The following SBF1 variants were observed in gnomAD, a reference collection of about 807,000 sequenced individuals.
SBF1 encodes the protein SET binding factor 1.
A neutral mutation model predicts 215.8 loss-of-function variants in SBF1; 65 were observed. The ratio of observed to expected loss-of-function variants is 0.30; its 90% CI spans 0.25 to 0.37. The LOEUF (loss-of-function observed/expected upper bound fraction) is 0.37, where lower values mean the gene tolerates loss of function less well. Among genes scored for constraint, SBF1 ranks in the 10% least tolerant of loss-of-function variants. The probability of loss-of-function intolerance (pLI) is 1.00; values close to 1 mark genes in which losing one functional copy is unlikely to be tolerated. For synonymous variants in SBF1, 1,410 were observed against 1,122.8 expected (o/e 1.26, Z -5.11); for missense variants, 2,634 against 2,667.8 (o/e 0.99, Z 0.28).
chr22:50,454,403 G>A, intron 36 of SBF1, 109 bp downstream of exon 36: 5 of 978,854 alleles, frequency 5.1e-6, no homozygotes, highest in Non-Finnish European at 7.8e-6. Context: ...ACCCCCAGGG[G>A]TAACCGGACT....
At chr22:50,463,000 C>T in intron 16 of SBF1, 62 bp from the exon 17 acceptor site, 2 of 1,480,716 alleles carry the variant, frequency 1.4e-6, no homozygotes, top group Non-Finnish European at 1.9e-6. Context: ...CACCTCCCAC[C>T]ATGCCCCCAC....
chr22:50,471,036 G>C (rs2067977402), intron 1 of SBF1, among the ~76,000 whole-genome samples: 3 of 152,184 alleles, frequency 2.0e-5, no homozygotes, highest in Admixed American at 2.0e-4. Flanking sequence ...TATTGCCATA[G>C]GAGTGACCTC....
At position 50,467,389 on chromosome 22, in the gene SBF1, G is replaced by A. The variant is rs373725377; in HGVS notation, c.498C>T (p.Asn166=). 238 of 1,614,134 alleles carry A rather than the reference G, an allele frequency of 1.5e-4. No homozygotes were observed. Among genetic ancestry groups the A allele is most frequent in the African/African-American group, 9.1e-4 (68 of 75,050 alleles). Residue 166 remains asparagine (N), a synonymous_variant, in exon 5 of 41, where the codon AAC becomes AAT. Coordinates refer to ENST00000380817, the MANE Select transcript of SBF1 (RefSeq NM_002972.4). ...TGCACGTCAGCAGGTTCCCAATCACGTTCTCCAGGCACACATTCAGGCCCT... is the reference window on the plus strand; with the variant it reads ...TGCACGTCAGCAGGTTCCCAATCACATTCTCCAGGCACACATTCAGGCCCT... ...HVEGLNVCLE[N]VIGNLLTCTV...
intron 1 of SBF1, among the ~76,000 whole-genome samples, chr22:50,472,485 TAG>T (rs963235804): frequency 2.0e-5 from 3 of 152,182 alleles, no homozygotes; most frequent in Non-Finnish European, 2.9e-5. Flanking sequence ...TGTCTGTGCC[TAG>T]AGAGTTCACA....
chr22:50,465,879 C>T, intron 9 of SBF1, 39 bp from the exon 10 acceptor site: 1 of 1,612,280 alleles, frequency 6.2e-7, no homozygotes, highest in Non-Finnish European at 8.5e-7. Context: ...GCACGCTGGC[C>T]CCGGCTCTAG....
chr22:50,460,511 C>T lies in SBF1; in HGVS notation c.3146+23G>A, dbSNP rs760423130. 24 of 1,611,944 alleles carry T rather than the reference C, an allele frequency of 1.5e-5. No individual in the cohort carries two copies. The Admixed American group carries it at 3.2e-4, about 21-fold the overall frequency. ...GGAACACGGCTGAGGCCCAGCTGCC[C>T]TGCCTGGGACCCAGATCCATACCTG... On this transcript the variant is annotated intron_variant, in intron 24 of 40. Transcript: ENST00000380817.
rs752890228 is a variant in SBF1 at position 50,460,625 on chromosome 22, C to T, written c.3055G>A (p.Asp1019Asn). ...KQLHKLRYPP[D>N]IRATFAFTLG... ...GTGAACGCAAAGGTGGCCCTGATGT[C>T]CGGCGGGTACCGCAGCTTATGCAGC... The change falls in exon 24 of 41, where the codon GAC becomes AAC. Residue 1019 changes from aspartate to asparagine, a missense_variant. Asp to Asn is a conservative substitution (Grantham distance 23, BLOSUM62 1). Transcript: ENST00000380817. 42 of 1,613,976 alleles carry T rather than the reference C, an allele frequency of 2.6e-5. No individual in the cohort carries two copies. The highest frequency in any genetic ancestry group is 3.4e-5 in the Non-Finnish European group (40 of 1,180,048).
intron 20 of SBF1, 33 bp downstream of exon 20, chr22:50,461,914 C>G (rs2148589740): frequency 6.2e-7 from 1 of 1,614,010 alleles, no homozygotes. Flanking sequence ...CCCCACCCAT[C>G]CAAGGGGGAA....
At chr22:50,448,103 C>T in intron 38 of SBF1, 130 bp downstream of exon 38, 1 of 813,572 alleles carries the variant, frequency 1.2e-6, no homozygotes, top group Non-Finnish European at 2.0e-6. Context: ...CACCCCAAAC[C>T]CCTCCCAGTG....
intron 10 of SBF1, 22 bp from the exon 11 acceptor site, chr22:50,465,350 G>C: frequency 6.4e-7 from 1 of 1,551,276 alleles, no homozygotes; most frequent in Non-Finnish European, 8.7e-7. Flanking sequence ...GCTGAGTGCA[G>C]GTGAGAGCCA....
chr22:50,457,604 G>A (rs1034160515), intron 28 of SBF1, among the ~76,000 whole-genome samples: 1 of 152,248 alleles, frequency 6.6e-6, no homozygotes, highest in South Asian at 2.1e-4. Context: ...AGGGGAGAGG[G>A]TGGGCTCAGA....
intron 28 of SBF1, among the ~76,000 whole-genome samples, chr22:50,458,162 G>A (rs746530370): frequency 6.6e-6 from 1 of 152,108 alleles, no homozygotes; most frequent in African/African-American, 2.4e-5. Context: ...AAAATCAGCC[G>A]GGCGCGGTGG....
At chr22:50,453,787 A>T (rs2067140176) in intron 36 of SBF1, among the ~76,000 whole-genome samples, 1 of 151,922 alleles carries the variant, frequency 6.6e-6, no homozygotes, top group South Asian at 2.1e-4. Context: ...ACTCCATCTC[A>T]AAATAAAAAA....
intron 36 of SBF1, among the ~76,000 whole-genome samples, chr22:50,450,138 A>C (rs1465265943): frequency 6.6e-6 from 1 of 152,226 alleles, no homozygotes; most frequent in Non-Finnish European, 1.5e-5. Context: ...AGAAATCTAG[A>C]CAGAGCCCTC....
intron 31 of SBF1, 86 bp downstream of exon 31, chr22:50,456,130 A>C: frequency 7.1e-7 from 1 of 1,401,634 alleles, no homozygotes; most frequent in Non-Finnish European, 9.7e-7. Context: ...ACTGTCAGAC[A>C]AGCAAACCTA....
At chr22:50,459,060 C>G (rs2067384721) in intron 28 of SBF1, among the ~76,000 whole-genome samples, 195 bp downstream of exon 28, 1 of 152,084 alleles carries the variant, frequency 6.6e-6, no homozygotes, top group South Asian at 2.1e-4. Flanking sequence ...CACACCTGGT[C>G]TGGGCACACA....
intron 36 of SBF1, among the ~76,000 whole-genome samples, chr22:50,450,529 A>C (rs916642097): frequency 6.6e-6 from 1 of 152,192 alleles, no homozygotes; most frequent in East Asian, 1.9e-4. Flanking sequence ...TCAAAAAAAA[A>C]AAAACAAAAC....
Position 50,465,953 on chromosome 22 carries a change from C to G in SBF1, c.1011+8G>C, listed in dbSNP as rs2067734493. On this transcript the variant is annotated splice_region_variant and intron_variant, in intron 9 of 40. Coordinates refer to ENST00000380817, the MANE Select transcript of SBF1 (RefSeq NM_002972.4). ...CCAAGGCTCCCGCTTGCCCATGGTG[C>G]CCCTCACCATGCTCAGCACACTGTG... 1.2e-6 allele frequency: 2 copies of G among 1,611,562 alleles called. No individual in the cohort carries two copies. The highest frequency in any genetic ancestry group is 1.7e-6 in the Non-Finnish European group (2 of 1,177,812).
chr22:50,456,952 G>T, intron 29 of SBF1, 82 bp downstream of exon 29: 1 of 1,164,024 alleles, frequency 8.6e-7, no homozygotes, highest in Non-Finnish European at 1.2e-6. Flanking sequence ...GGAGACATTA[G>T]TGCCCGCAAT....
Sources: allele counts gnomAD v4.1 joint callset (sites outside exome capture counted in the v4.1 genomes callset), GRCh38; gene constraint gnomAD v4.1.1; transcripts MANE v1.5; gene names NCBI Gene and HGNC (gene_info 2026-07-23, HGNC 2026-07-21).